The following HMGN3 variants were observed in gnomAD, a reference collection of about 807,000 sequenced individuals.
HMGN3 encodes the protein high mobility group nucleosome-binding domain-containing protein 3.
HMGN3 carries 6 observed loss-of-function variants against 18.8 expected under a neutral mutation model. That is an observed-to-expected ratio of 0.32 (90% confidence interval 0.18 to 0.63). The LOEUF is 0.63. HMGN3 is among the 30% of genes least tolerant of loss of function. The pLI is 0.79. For synonymous variants in HMGN3, 40 were observed against 36.5 expected, an observed-to-expected ratio of 1.10 and a Z score of -0.35; for missense variants, 107 against 114.2, an observed-to-expected ratio of 0.94 and a Z score of 0.29.
intron 2 of HMGN3, among the ~76,000 whole-genome samples, chr6:79,213,590 A>G (rs957952626): frequency 2.0e-5 from 3 of 152,224 alleles, no homozygotes; most frequent in African/African-American, 7.2e-5. Context: ...TGGTTCTTGC[A>G]TGTGTGTGAT....
intron 1 of HMGN3, among the ~76,000 whole-genome samples, chr6:79,228,764 G>A (rs977742639): frequency 1.3e-5 from 2 of 152,100 alleles, no homozygotes; most frequent in Non-Finnish European, 2.9e-5. Context: ...ATGACGTCTC[G>A]CTATGTTGCC....
intron 1 of HMGN3, among the ~76,000 whole-genome samples, chr6:79,219,906 C>T (rs549913443): frequency 2.6e-5 from 4 of 152,240 alleles, no homozygotes; most frequent in Non-Finnish European, 5.9e-5. Context: ...AGTAGTTTTA[C>T]CCAGGTTGCT....
chr6:79,212,120 C>A (rs997620193), intron 2 of HMGN3, among the ~76,000 whole-genome samples: 1 of 151,098 alleles, frequency 6.6e-6, no homozygotes, highest in African/African-American at 2.4e-5. Context: ...TACCTCAGAG[C>A]CTTGGCTGGG....
intron 1 of HMGN3, among the ~76,000 whole-genome samples, chr6:79,215,623 T>A (rs1028881821): frequency 2.6e-5 from 4 of 152,234 alleles, no homozygotes; most frequent in Non-Finnish European, 1.5e-5. Context: ...GCTGATTTAT[T>A]TCCAGGTTTT....
In HMGN3 at chr6:79,234,625, T is replaced by C. The variant is rs1327754632; in HGVS notation, c.-65A>G. 13 of 1,529,136 alleles carry C rather than the reference T, an allele frequency of 8.5e-6. No individual in the cohort carries two copies. The Admixed American group carries it at 1.2e-4, about 14-fold the overall frequency. The allele number at this position is 1,529,136 out of a possible 1,614,324, so 94.7% of individuals were successfully genotyped here. On this transcript the variant is annotated 5_prime_UTR_variant, in exon 1 of 6. Transcript: ENST00000344726. The stretch of plus-strand genomic sequence containing the variant: ...TGGAACTGCTGGCGCCGCCGCTGGA[T>C]GCTGCCTCTGCCTCTGCAGCTGCTC...
intron 3 of HMGN3, among the ~76,000 whole-genome samples, chr6:79,206,727 G>C (rs1423412799): frequency 1.3e-5 from 2 of 152,158 alleles, no homozygotes; most frequent in African/African-American, 2.4e-5. Context: ...CTGCCCTCCA[G>C]ACCCCAGAAT....
chr6:79,229,949 A>C (rs923836185), intron 1 of HMGN3, among the ~76,000 whole-genome samples: 4 of 152,226 alleles, frequency 2.6e-5, no homozygotes, highest in African/African-American at 9.6e-5. Context: ...TTCCCAAGAG[A>C]AATGAAAATA....
chr6:79,208,709 G>A, intron 2 of HMGN3, 133 bp from the exon 3 acceptor site: 1 of 762,282 alleles, frequency 1.3e-6, no homozygotes, highest in Non-Finnish European at 2.3e-6. Context: ...ACCTTCTCCA[G>A]GTAAGCACAG....
chr6:79,231,121 A>T (rs1777818067), intron 1 of HMGN3, among the ~76,000 whole-genome samples: 1 of 152,236 alleles, frequency 6.6e-6, no homozygotes, highest in Non-Finnish European at 1.5e-5. Flanking sequence ...CTGATGTGAT[A>T]CACTAGACAT....
At position 79,234,452 on chromosome 6, in the gene HMGN3, C is replaced by T. The variant is rs1185711863; in HGVS notation, c.15+94G>A. ...GCAAAGATTCCCAATCCCCGGGTTA[C>T]TACCGCGCGCGTTCTGCGCGAGCCA... On this transcript the variant is annotated intron_variant, in intron 1 of 5. Coordinates refer to ENST00000344726, the Ensembl canonical transcript of HMGN3. 8 of 1,241,110 alleles carry T rather than the reference C, an allele frequency of 6.4e-6. No homozygotes were observed. In the East Asian group the frequency reaches 1.6e-4, roughly 25 times the overall value. 76.9% of individuals were successfully genotyped at this position (1,241,110 alleles called of 1,614,324 possible). A position where few individuals can be genotyped will look rare whatever the true frequency, so the allele number is the denominator to read the frequency against.
exon 5 of HMGN3, chr6:79,202,363 T>C: frequency 6.2e-7 from 1 of 1,613,830 alleles, no homozygotes; most frequent in South Asian, 1.1e-5. Flanking sequence ...CTTTAGCACC[T>C]CTGCTAATCT....
At chr6:79,201,554 T>C in exon 6 of HMGN3, 1 of 640,656 alleles carries the variant, frequency 1.6e-6, no homozygotes, top group Non-Finnish European at 2.8e-6. Flanking sequence ...CGATAAAATG[T>C]CCATCCTTAT....
At chr6:79,232,604 T>G (rs914399274) in intron 1 of HMGN3, among the ~76,000 whole-genome samples, 4 of 151,810 alleles carry the variant, frequency 2.6e-5, no homozygotes, top group African/African-American at 7.3e-5. Flanking sequence ...TATTTTAGTT[T>G]TTTTTTTTTT....
At chr6:79,207,452 T>C (rs969264889) in intron 3 of HMGN3, among the ~76,000 whole-genome samples, 2 of 152,180 alleles carry the variant, frequency 1.3e-5, no homozygotes, top group Admixed American at 1.3e-4. Context: ...CCTGCTGCCA[T>C]CCACATAAGA....
intron 5 of HMGN3, 21 bp from the exon 7 acceptor site, chr6:79,201,747 A>G: frequency 6.2e-7 from 1 of 1,607,144 alleles, no homozygotes; most frequent in East Asian, 2.2e-5. Flanking sequence ...GAAAGGAAAA[A>G]AAAACATATA....
chr6:79,209,255 CT>C (rs1188553109), intron 2 of HMGN3, among the ~76,000 whole-genome samples: 1 of 152,144 alleles, frequency 6.6e-6, no homozygotes, highest in Non-Finnish European at 1.5e-5. Context: ...TTGGGGAAAT[CT>C]TTTTTTCTTC....
At chr6:79,215,182 G>A (rs951929363) in intron 1 of HMGN3, among the ~76,000 whole-genome samples, 160 bp from the exon 2 acceptor site, 6 of 152,174 alleles carry the variant, frequency 3.9e-5, no homozygotes, top group African/African-American at 7.2e-5. Context: ...ACACACCTAC[G>A]TGCATGCATG....
chr6:79,208,858 T>TGA (rs1776549249), intron 2 of HMGN3, among the ~76,000 whole-genome samples: 1 of 152,202 alleles, frequency 6.6e-6, no homozygotes, highest in Admixed American at 6.5e-5. Context: ...AAGATCAACT[T>TGA]AGGCTTTATC....
At chr6:79,215,305 T>C (rs1344574021) in intron 1 of HMGN3, among the ~76,000 whole-genome samples, 1 of 152,244 alleles carries the variant, frequency 6.6e-6, no homozygotes. Context: ...CTTTCATTTA[T>C]CTTTGATGAT....
Sources: allele counts gnomAD v4.1 joint callset (sites outside exome capture counted in the v4.1 genomes callset), GRCh38; gene constraint gnomAD v4.1.1; transcripts MANE v1.5; gene names NCBI Gene and HGNC (gene_info 2026-07-23, HGNC 2026-07-21).